Variants in DCPS observed in about 807,000 individuals in gnomAD.
DCPS encodes decapping enzyme, scavenger.
Under a neutral mutation model 34.7 loss-of-function variants are expected in DCPS, and 27 were observed. The observed-to-expected ratio is 0.78, with a 90% CI of 0.57 to 1.07. The LOEUF is 1.07. Ranked by LOEUF, DCPS falls within the 50% of genes least tolerant of loss-of-function variation. DCPS has a pLI of 0.00. For missense variants in DCPS, 464 were observed against 436.9 expected (o/e 1.06, Z -0.55); for synonymous variants, 185 against 185.7 (o/e 1.00, Z 0.03).
rs1202226122 is a variant in DCPS, at chr11:126,331,445, C to T, written c.417C>T (p.His139=). The change falls in exon 3 of 6, where the codon CAC becomes CAT. Residue 139 remains histidine, a synonymous_variant. Coordinates refer to ENST00000263579, the MANE Select transcript of DCPS (RefSeq NM_014026.6). This position sits in a 1 kb window ranked among gnomAD's most constrained non-coding sequence, Gnocchi z 7.2. ...TGGTTTACCCTGCCACAGAGAAACA[C>T]CTGCAGAAGTACCTGCGCCAGGACC... ...TTVVYPATEK[H]LQKYLRQDLR... 10 of 1,614,156 alleles carry T rather than the reference C, an allele frequency of 6.2e-6. No homozygotes were observed. Among genetic ancestry groups the T allele is most frequent in the African/African-American group, 1.3e-5 (1 of 75,036 alleles).
At position 126,319,754 on chromosome 11, in the gene DCPS, G is replaced by T. The variant is rs111802253; in HGVS notation, c.377-11651G>T. ...GCCCCAGCACAGGTATCTTAGGAAC[G>T]GCCCGAAAGAGGTTGGGCCTTTGGG... On this transcript the variant is annotated intron_variant, in intron 2 of 5. Transcript: ENST00000263579. This position sits in a 1 kb window ranked among gnomAD's most constrained non-coding sequence, Gnocchi z 4.5. 6.6e-6 allele frequency among the ~76,000 whole-genome samples: 1 copy of T among 152,208 alleles called. No individual in the cohort carries two copies. Among genetic ancestry groups the T allele is most frequent in the African/African-American group, 2.4e-5 (1 of 41,526 alleles).
chr11:126,336,315 CCA>C lies in DCPS; in HGVS notation c.523-1970_523-1969del, dbSNP rs1047310462. 1.3e-5 allele frequency: 2 copies of C among 152,500 alleles called. No homozygotes were observed. The highest frequency in any genetic ancestry group is 4.8e-5 in the African/African-American group (2 of 41,428). 9.4% of individuals were successfully genotyped at this position (152,500 alleles called of 1,614,324 possible). On this transcript the variant is annotated intron_variant, in intron 3 of 5. Transcript: ENST00000263579. The surrounding 1 kb of genome is among the most constrained non-coding windows in gnomAD (Gnocchi z 6.3). ...ACCGCCTTTCCCTCTTTTCCTGTCC[CCA>C]GTCAGTTTTGTAGCCTCTGGCATAC...
Position 126,342,247 on chromosome 11 carries a change from A to G in DCPS, c.637-1060A>G, listed in dbSNP as rs1951881010. On this transcript the variant is annotated intron_variant, in intron 4 of 5. Coordinates refer to ENST00000263579, the MANE Select transcript of DCPS (RefSeq NM_014026.6). This position sits in a 1 kb window ranked among gnomAD's most constrained non-coding sequence, Gnocchi z 4.4. ...ATTTGCTCTCTGGCACAAGATCTTG[A>G]CTTTGATTCTTTGTACTGTTGTGAC... The G allele has an allele frequency of 6.6e-6, 1 of 152,266 alleles. No individual in the cohort carries two copies. 9.4% of individuals were successfully genotyped at this position (152,266 alleles called of 1,614,324 possible). A position where few individuals can be genotyped will look rare whatever the true frequency, so the allele number is the denominator to read the frequency against.
In DCPS at chr11:126,312,431, C is replaced by T. The variant is rs962954210; in HGVS notation, c.376+5687C>T. ...TCGGCTCACTGCAACCTCCACCTCC[C>T]GGGTTCAAGCCATTCTCCTGCCTCA... On this transcript the variant is annotated intron_variant, in intron 2 of 5. Coordinates refer to ENST00000263579, the MANE Select transcript of DCPS (RefSeq NM_014026.6). The surrounding 1 kb of genome is among the most constrained non-coding windows in gnomAD (Gnocchi z 5.1). 1.1e-4 allele frequency among the ~76,000 whole-genome samples: 17 copies of T among 151,984 alleles called. No individual in the cohort carries two copies. The highest frequency in any genetic ancestry group is 2.1e-4 in the South Asian group (1 of 4,814).
chr11:126,304,444 C>T (rs552197154), intron 1 of DCPS, 163 bp downstream of exon 1: 10 of 743,170 alleles, frequency 1.3e-5, no homozygotes, highest in African/African-American at 1.2e-4. Context: ...CGGTGAAAGG[C>T]GGCAAGATTG....
chr11:126,345,310 ACGG>A lies in DCPS; in HGVS notation c.748-36_748-34del. ...GACATGGCGCCGGGCCTCAGGCAGC[ACGG>A]TGACTCCTGACCTGCCTGCCCCTGT... On this transcript the variant is annotated intron_variant, in intron 5 of 5. Coordinates refer to ENST00000263579, the MANE Select transcript of DCPS (RefSeq NM_014026.6). The surrounding 1 kb of genome is among the most constrained non-coding windows in gnomAD (Gnocchi z 7.4). 1.9e-6 allele frequency: 3 copies of A among 1,609,546 alleles called. No individual in the cohort carries two copies. The highest frequency in any genetic ancestry group is 2.5e-6 in the Non-Finnish European group (3 of 1,177,770).
intron 2 of DCPS, among the ~76,000 whole-genome samples, chr11:126,311,858 T>G (rs1951620405): frequency 6.6e-6 from 1 of 152,228 alleles, no homozygotes; most frequent in Admixed American, 6.5e-5. Flanking sequence ...GTGAGAGATA[T>G]GTTTCACATT....
At position 126,345,789 on chromosome 11, in the gene DCPS, TG is replaced by T; in HGVS notation, c.*181del. On this transcript the variant is annotated 3_prime_UTR_variant, in exon 6 of 6. Coordinates refer to ENST00000263579, the MANE Select transcript of DCPS (RefSeq NM_014026.6). The surrounding 1 kb of genome is among the most constrained non-coding windows in gnomAD (Gnocchi z 7.4). ...CGTGGCCTGGGAGGCAGACAGATGG[TG>T]GGGGACAGTGGGTGGGTAGAACCTG... is the stretch of plus-strand genomic sequence containing the variant. 1 of 895,962 alleles carries T rather than the reference TG, an allele frequency of 1.1e-6. No homozygotes were observed. The allele number at this position is 895,962 out of a possible 1,614,324, so 55.5% of individuals were successfully genotyped here.
Position 126,345,464 on chromosome 11 carries a change from G to GGCTCAGGC in DCPS, c.867_874dup (p.Val292AlafsTer13). ...CACCGCCCTGGGCTTCGAGGCCCCC[G>GGCTCAGGC]GCTCAGGCGTGGAGCGGGCCCACCT... is the stretch of plus-strand genomic sequence containing the variant. On this transcript the variant is annotated frameshift_variant, in exon 6 of 6. Coordinates refer to ENST00000263579, the MANE Select transcript of DCPS (RefSeq NM_014026.6). LOFTEE classifies it high-confidence loss of function. This position sits in a 1 kb window ranked among gnomAD's most constrained non-coding sequence, Gnocchi z 7.4. 6.2e-7 allele frequency: 1 copy of GGCTCAGGC among 1,614,146 alleles called. No homozygotes were observed. The highest frequency in any genetic ancestry group is 1.3e-5 in the African/African-American group (1 of 75,054).
At chr11:126,318,424 C>T (rs1951679290) in intron 2 of DCPS, among the ~76,000 whole-genome samples, 1 of 152,250 alleles carries the variant, frequency 6.6e-6, no homozygotes, top group African/African-American at 2.4e-5. Flanking sequence ...CCTCCACCCT[C>T]TGGCCTGGTC....
intron 2 of DCPS, among the ~76,000 whole-genome samples, chr11:126,311,869 A>G (rs978494277): frequency 4.6e-5 from 7 of 152,248 alleles, no homozygotes; most frequent in Non-Finnish European, 8.8e-5. Context: ...GTTTCACATT[A>G]TGGTCTATTA....
At position 126,336,718 on chromosome 11, in the gene DCPS, G is replaced by A. The variant is rs544084190; in HGVS notation, c.523-1568G>A. The A allele has an allele frequency of 6.6e-6, 1 of 152,426 alleles. No individual in the cohort carries two copies. The highest frequency in any genetic ancestry group is 2.1e-4 in the South Asian group (1 of 4,828). 9.4% of individuals were successfully genotyped at this position (152,426 alleles called of 1,614,324 possible). A position where few individuals can be genotyped will look rare whatever the true frequency, so the allele number is the denominator to read the frequency against. On this transcript the variant is annotated intron_variant, in intron 3 of 5. Transcript: ENST00000263579. The surrounding 1 kb of genome is among the most constrained non-coding windows in gnomAD (Gnocchi z 6.3). ...CATTCCCAGGAGATTTCAGGTCAGA[G>A]AGGAAATGCCTCTGTGGATGTACTG...
intron 2 of DCPS, among the ~76,000 whole-genome samples, chr11:126,308,772 G>A (rs191338486): frequency 1.4e-3 from 185 of 132,062 alleles, no homozygotes; most frequent in Middle Eastern, 3.8e-3. Context: ...CTGCCCGACA[G>A]ATGAACCCTG....
Position 126,304,131 on chromosome 11 carries a change from G to A in DCPS, c.51G>A (p.Val17=), listed in dbSNP as rs776113371. 5.0e-6 allele frequency: 8 copies of A among 1,614,052 alleles called. No homozygotes were observed. The highest frequency in any genetic ancestry group is 6.8e-6 in the Non-Finnish European group (8 of 1,179,982). ...QLGKRKRELD[V]EEAHAASTEE... ...GCAAGAGGAAGCGCGAATTGGACGT[G>A]GAGGAGGCCCACGCCGCCAGCACAG... The change falls in exon 1 of 6, where the codon GTG becomes GTA. Residue 17 remains valine (V), a synonymous_variant. Transcript: ENST00000263579.
intron 4 of DCPS, among the ~76,000 whole-genome samples, chr11:126,340,666 C>T (rs571621209): frequency 6.6e-6 from 1 of 152,258 alleles, no homozygotes; most frequent in East Asian, 1.9e-4. Flanking sequence ...AGGGAGGCAC[C>T]CTGGTGTTTG....
rs1461352774 is a variant in DCPS, at chr11:126,304,229, A to C, written c.149A>C (p.Gln50Pro). The C allele has an allele frequency of 5.0e-6, 8 of 1,614,248 alleles. No homozygotes were observed. The South Asian group carries it at 7.7e-5, about 16-fold the overall frequency. ...TTACCGTTCTCCGGCTTCAGACTGC[A>C]GAAGGTGCTGAGGGAGTCTGCGCGG... ...VRLPFSGFRL[Q>P]KVLRESARDK... is the part of the protein sequence containing the mutation. Residue 50 changes from glutamine (Q) to proline (P), a missense_variant, in exon 1 of 6, where the codon CAG becomes CCG. Transcript: ENST00000263579.
intron 4 of DCPS, among the ~76,000 whole-genome samples, chr11:126,343,067 C>T (rs1486309164): frequency 2.0e-5 from 2 of 102,234 alleles, no homozygotes; most frequent in African/African-American, 8.1e-5. Context: ...GAGACTCTGT[C>T]AAAAAAAAAA....
intron 2 of DCPS, among the ~76,000 whole-genome samples, chr11:126,307,585 A>G (rs1951582596): frequency 6.6e-6 from 1 of 151,834 alleles, no homozygotes; most frequent in African/African-American, 2.4e-5. Context: ...TAATTTTTGT[A>G]TTTTTAGTAG....
chr11:126,304,434 C>T lies in DCPS; in HGVS notation c.201+153C>T, dbSNP rs907111207. On this transcript the variant is annotated intron_variant, in intron 1 of 5. Coordinates refer to ENST00000263579, the MANE Select transcript of DCPS (RefSeq NM_014026.6). ...TGCGCCACTAGAATGCATAGAGGGG[C>T]GGTGAAAGGCGGCAAGATTGCCTTT... 1.2e-5 allele frequency: 9 copies of T among 777,746 alleles called. No individual in the cohort carries two copies. In the East Asian group the frequency reaches 2.2e-4, roughly 19 times the overall value. The allele number at this position is 777,746 out of a possible 1,614,324, so 48.2% of individuals were successfully genotyped here. A position where few individuals can be genotyped will look rare whatever the true frequency, so the allele number is the denominator to read the frequency against.
Sources: allele counts gnomAD v4.1 joint callset (sites outside exome capture counted in the v4.1 genomes callset), GRCh38; gene constraint gnomAD v4.1.1; non-coding constraint Gnocchi (gnomAD v3.1); transcripts MANE v1.5; gene names NCBI Gene and HGNC (gene_info 2026-07-23, HGNC 2026-07-21).